Variants in KIF6 observed in about 807,000 individuals in gnomAD.
KIF6 encodes the protein kinesin family member 6, also known as kinesin-like protein KIF6.
Under a neutral mutation model 112.7 loss-of-function variants are expected in KIF6, and 106 were observed. The ratio of observed to expected loss-of-function variants is 0.94; its 90% confidence interval spans 0.80 to 1.11. The LOEUF (loss-of-function observed/expected upper bound fraction) is 1.11, where lower values mean the gene tolerates loss of function less well. KIF6 is among the 50% of genes least tolerant of loss of function. The probability of loss-of-function intolerance (pLI) is 0.00; values close to 1 mark genes in which losing one functional copy is unlikely to be tolerated. For missense variants in KIF6, 929 were observed against 964.0 expected (o/e 0.96, Z 0.48); for synonymous variants, 339 against 339.9 (o/e 1.00, Z 0.03).
intron 15 of KIF6, among the ~76,000 whole-genome samples, chr6:39,391,998 C>T (rs879634699): frequency 6.6e-6 from 1 of 151,896 alleles, no homozygotes; most frequent in Non-Finnish European, 1.5e-5. Context: ...GGCCCTGATA[C>T]TTCATGTCTC....
intron 9 of KIF6, among the ~76,000 whole-genome samples, chr6:39,581,371 T>G (rs745610544): frequency 1.3e-5 from 2 of 151,906 alleles, no homozygotes; most frequent in Non-Finnish European, 2.9e-5. Context: ...TGTCACCATG[T>G]TGGCCATGCA....
At chr6:39,586,119 C>G (rs1405955118) in intron 8 of KIF6, 142 bp downstream of exon 8, 1 of 721,062 alleles carries the variant, frequency 1.4e-6, no homozygotes, top group Non-Finnish European at 2.3e-6. Flanking sequence ...AAATAGCCCA[C>G]AGCTGTGAAC....
intron 13 of KIF6, among the ~76,000 whole-genome samples, chr6:39,481,455 A>G (rs565739101): frequency 3.2e-4 from 49 of 152,304 alleles, no homozygotes; most frequent in Non-Finnish European, 4.9e-4. Context: ...TCTCTGCCTT[A>G]TTTTCTAATT....
chr6:39,578,281 A>G (rs141113303), intron 9 of KIF6, 122 bp from the exon 10 acceptor site: 5 of 670,790 alleles, frequency 7.5e-6, no homozygotes, highest in African/African-American at 1.8e-5. Flanking sequence ...GTAATGGTAT[A>G]AAAAGCCAGC....
chr6:39,652,535 A>C lies in KIF6; in HGVS notation c.252-12778T>G, dbSNP rs866128554. ...GGAGTGAAACTCCATCTCAAAAAAA[A>C]AAAACAAAACAAAACAAACAAAGAA... On this transcript the variant is annotated intron_variant, in intron 3 of 22. Coordinates refer to ENST00000287152, the MANE Select transcript of KIF6 (RefSeq NM_145027.6). 3.3e-3 allele frequency among the ~76,000 whole-genome samples: 496 copies of C among 152,106 alleles called. 3 individuals are homozygous for C. The highest frequency in any genetic ancestry group is 0.011 in the African/African-American group (450 of 41,562).
At chr6:39,579,267 A>T (rs1781153998) in intron 9 of KIF6, among the ~76,000 whole-genome samples, 2 of 152,078 alleles carry the variant, frequency 1.3e-5, no homozygotes, top group South Asian at 4.2e-4. Flanking sequence ...TCATTTTGCC[A>T]ATCTGTTAGG....
At chr6:39,366,364 C>T (rs1242210611) in intron 16 of KIF6, among the ~76,000 whole-genome samples, 2 of 152,142 alleles carry the variant, frequency 1.3e-5, no homozygotes, top group Non-Finnish European at 2.9e-5. Context: ...GTCACTCATC[C>T]GCTTATTTAA....
At chr6:39,561,420 C>T (rs1324772995) in intron 10 of KIF6, among the ~76,000 whole-genome samples, 2 of 151,426 alleles carry the variant, frequency 1.3e-5, no homozygotes, top group Non-Finnish European at 2.9e-5. Flanking sequence ...GGTATGATCT[C>T]GGCTCACTGC....
At chr6:39,509,602 G>A (rs144329823) in intron 13 of KIF6, among the ~76,000 whole-genome samples, 1 of 152,148 alleles carries the variant, frequency 6.6e-6, no homozygotes, top group Non-Finnish European at 1.5e-5. Context: ...TTCAATAGCT[G>A]ATTCGATCAA....
chr6:39,536,218 C>G (rs1261418577), intron 13 of KIF6, among the ~76,000 whole-genome samples: 2 of 151,298 alleles, frequency 1.3e-5, no homozygotes, highest in Non-Finnish European at 2.9e-5. Context: ...AAAATCAGAG[C>G]AGAACTGAAG....
In KIF6 at chr6:39,334,607, C is replaced by G. The variant is rs568391272; in HGVS notation, c.*1925G>C. The G allele has an allele frequency of 7.2e-5, 11 of 152,054 alleles. No homozygotes were observed. Among genetic ancestry groups the G allele is most frequent in the African/African-American group, 2.4e-4 (10 of 41,348 alleles). The allele number at this position is 152,054 out of a possible 1,614,324, so 9.4% of individuals were successfully genotyped here. ...CAGCCTGGCTGACAGAGACCCCCCC[C>G]ATCTCAAAAAATAAATAAAAGAAAG... On this transcript the variant is annotated 3_prime_UTR_variant, in exon 23 of 23. Transcript: ENST00000287152.
intron 3 of KIF6, among the ~76,000 whole-genome samples, chr6:39,698,155 G>T (rs1044309833): frequency 6.6e-5 from 10 of 152,112 alleles, no homozygotes; most frequent in Non-Finnish European, 4.4e-5. Context: ...ACTTTGGCTT[G>T]CTACTTAAAT....
Position 39,720,753 on chromosome 6 carries a change from C to T in KIF6, c.125G>A (p.Arg42His), listed in dbSNP as rs771830870. 28 of 1,610,294 alleles carry T rather than the reference C, an allele frequency of 1.7e-5. No individual in the cohort carries two copies. The highest frequency in any genetic ancestry group is 3.3e-5 in the Admixed American group (2 of 59,976). The change falls in exon 2 of 23, where the codon CGT (arginine) becomes CAT (histidine). Residue 42 changes from arginine to histidine, a missense_variant. By Grantham distance (29) the Arg-to-His change is conservative (BLOSUM62 0). Around this residue, in one of 2 missense-constraint regions of KIF6, gnomAD observed 688 missense variants for 662.7 expected, o/e 1.04. Coordinates refer to ENST00000287152, the MANE Select transcript of KIF6 (RefSeq NM_145027.6). Reference protein sequence around the residue: ...LIPSLEIILPRDLADGFVNNK... With the variant: ...LIPSLEIILPHDLADGFVNNK... The stretch of plus-strand genomic sequence containing the variant: ...ATTCACAAACCCATCTGCCAAATCA[C>T]GTGGTAAGATGATTTCCAAGCTAGG...
At chr6:39,434,124 G>A (rs1484676004) in intron 13 of KIF6, among the ~76,000 whole-genome samples, 1 of 152,088 alleles carries the variant, frequency 6.6e-6, no homozygotes, top group Non-Finnish European at 1.5e-5. Context: ...AGCTCACCTT[G>A]CTAATGAGAC....
intron 13 of KIF6, among the ~76,000 whole-genome samples, chr6:39,539,081 G>C (rs11757741): frequency 4.7e-5 from 5 of 107,116 alleles, no homozygotes; most frequent in African/African-American, 1.5e-4. Context: ...GTGGGGGGAG[G>C]GGGGAGGGAT....
At chr6:39,337,628 T>C (rs574376972) in intron 22 of KIF6, among the ~76,000 whole-genome samples, 23 of 152,216 alleles carry the variant, frequency 1.5e-4, no homozygotes, top group African/African-American at 4.3e-4. Flanking sequence ...ATGGTTTTCA[T>C]TGATGCTCCT....
In KIF6 at chr6:39,626,713, G is replaced by A. The variant is rs116485667; in HGVS notation, c.509+8136C>T. On this transcript the variant is annotated intron_variant, in intron 5 of 22. Coordinates refer to ENST00000287152, the MANE Select transcript of KIF6 (RefSeq NM_145027.6). The stretch of plus-strand genomic sequence containing the variant: ...TATTTCAAAAAACAACTTTCCCTAC[G>A]TGGATGAGGGAAGGGATTCAGGCAA... Among the ~76,000 whole-genome samples the A allele has an allele frequency of 7.7e-3, 1,170 of 152,232 alleles. 20 individuals are homozygous for A. Among genetic ancestry groups the A allele is most frequent in the African/African-American group, 0.027 (1,114 of 41,560 alleles).
chr6:39,564,740 G>T (rs948470388), intron 10 of KIF6, among the ~76,000 whole-genome samples: 3 of 152,204 alleles, frequency 2.0e-5, no homozygotes, highest in African/African-American at 7.2e-5. Flanking sequence ...GTGCTATTTG[G>T]AGTCAATGCT....
chr6:39,576,429 G>A (rs1206446607), intron 10 of KIF6, among the ~76,000 whole-genome samples: 3 of 152,162 alleles, frequency 2.0e-5, no homozygotes, highest in Non-Finnish European at 4.4e-5. Flanking sequence ...GATTGAATAT[G>A]TTGCTTTTAG....
Sources: allele counts gnomAD v4.1 joint callset (sites outside exome capture counted in the v4.1 genomes callset), GRCh38; gene constraint gnomAD v4.1.1; regional missense constraint gnomAD v4.1.1; transcripts MANE v1.5; gene names NCBI Gene and HGNC (gene_info 2026-07-23, HGNC 2026-07-21).